DROSHA: variants seen among roughly 807,000 people sequenced by gnomAD.
DROSHA encodes the protein drosha ribonuclease III.
A neutral mutation model predicts 181.9 loss-of-function variants in DROSHA; 56 were observed. The observed-to-expected ratio is 0.31, with a 90% CI of 0.25 to 0.38. The LOEUF is 0.38. Ranked by LOEUF, DROSHA falls within the 10% of genes least tolerant of loss-of-function variation. The probability of loss-of-function intolerance (pLI) is 1.00; values close to 1 mark genes in which losing one functional copy is unlikely to be tolerated. For synonymous variants in DROSHA, 524 were observed against 591.2 expected (o/e 0.89, Z 1.65); for missense variants, 1,218 against 1,743.5 (o/e 0.70, Z 5.37).
At chr5:31,459,131 G>A (rs1288275752) in intron 20 of DROSHA, among the ~76,000 whole-genome samples, 1 of 152,166 alleles carries the variant, frequency 6.6e-6, no homozygotes, top group Non-Finnish European at 1.5e-5. Context: ...CTAGGTATTT[G>A]ATGATATTAC....
chr5:31,489,563 C>T (rs1309196764), intron 13 of DROSHA, among the ~76,000 whole-genome samples: 1 of 152,128 alleles, frequency 6.6e-6, no homozygotes, highest in East Asian at 1.9e-4. Flanking sequence ...TCAAAGATCA[C>T]CAAAATACCT....
Position 31,409,885 on chromosome 5 carries a change from T to C in DROSHA, c.3668-553A>G, listed in dbSNP as rs948653957. Among the ~76,000 whole-genome samples the C allele has an allele frequency of 6.6e-6, 1 of 151,740 alleles. No homozygotes were observed. The highest frequency in any genetic ancestry group is 1.5e-5 in the Non-Finnish European group (1 of 67,858). Reference sequence around the variant, plus strand: ...TTTGCATTAATAAATGGTGACCCCCTAGGATGACTTCATTTAAAGGTACCT... The same window carrying C: ...TTTGCATTAATAAATGGTGACCCCCCAGGATGACTTCATTTAAAGGTACCT... On this transcript the variant is annotated intron_variant, in intron 31 of 35. Coordinates refer to ENST00000344624, the MANE Select transcript of DROSHA (RefSeq NM_001382508.1). The surrounding 1 kb of genome is among the most constrained non-coding windows in gnomAD (Gnocchi z 4.0).
intron 27 of DROSHA, among the ~76,000 whole-genome samples, chr5:31,427,649 C>A (rs769821093): frequency 1.3e-5 from 2 of 152,162 alleles, no homozygotes; most frequent in Admixed American, 6.5e-5. Flanking sequence ...CAGCCAAGAA[C>A]CTCCTAAGAA....
chr5:31,429,652 A>G (rs1743917521), intron 26 of DROSHA, 107 bp from the exon 27 acceptor site: 2 of 806,794 alleles, frequency 2.5e-6, no homozygotes, highest in Non-Finnish European at 2.0e-6. Context: ...TACTCACAGA[A>G]AACAAATCAA....
chr5:31,440,559 G>A (rs1305435371), intron 23 of DROSHA, among the ~76,000 whole-genome samples: 5 of 152,158 alleles, frequency 3.3e-5, no homozygotes, highest in Admixed American at 3.3e-4. Flanking sequence ...GCTAGGTTGT[G>A]AACAATGAAT....
intron 29 of DROSHA, 29 bp downstream of exon 29, chr5:31,422,758 T>C (rs780896444): frequency 6.2e-7 from 1 of 1,613,092 alleles, no homozygotes. Context: ...AATGGTCACA[T>C]TGGGACTACA....
At position 31,464,355 on chromosome 5, in the gene DROSHA, T is replaced by A. The variant is rs1400725648; in HGVS notation, c.2467-12A>T. The A allele has an allele frequency of 6.2e-7, 1 of 1,610,344 alleles. No individual in the cohort carries two copies. Among genetic ancestry groups the A allele is most frequent in the Admixed American group, 1.7e-5 (1 of 59,730 alleles). ...TTTTGGAGGGCTTCCTAGAAAAGAA[T>A]TCATTATGATGAGTAACACAACTGC... On this transcript the variant is annotated splice_polypyrimidine_tract_variant and intron_variant, in intron 19 of 35. Transcript: ENST00000344624.
chr5:31,501,013 T>C (rs1561260983), intron 11 of DROSHA, among the ~76,000 whole-genome samples: 1 of 152,212 alleles, frequency 6.6e-6, no homozygotes, highest in Non-Finnish European at 1.5e-5. Context: ...GACGTGATCA[T>C]GTTTTTTGGA....
chr5:31,449,933 A>C (rs1746767044), intron 21 of DROSHA, among the ~76,000 whole-genome samples: 1 of 152,236 alleles, frequency 6.6e-6, no homozygotes, highest in Admixed American at 6.5e-5. Context: ...AATATCCAGA[A>C]TCTACAAGGA....
At chr5:31,507,196 C>T (rs1239260902) in intron 10 of DROSHA, among the ~76,000 whole-genome samples, 1 of 152,154 alleles carries the variant, frequency 6.6e-6, no homozygotes, top group Non-Finnish European at 1.5e-5. Context: ...CGCAGTGGCT[C>T]ACACCTGTAA....
chr5:31,431,464 T>C (rs1010468194), intron 26 of DROSHA, 112 bp downstream of exon 26: 2 of 1,015,570 alleles, frequency 2.0e-6, no homozygotes, highest in African/African-American at 3.2e-5. Context: ...AGGAACCTCA[T>C]GTGCTTTGGG....
chr5:31,490,449 G>A (rs979229058), intron 13 of DROSHA, among the ~76,000 whole-genome samples: 1 of 152,104 alleles, frequency 6.6e-6, no homozygotes, highest in African/African-American at 2.4e-5. Flanking sequence ...CAGGATTACA[G>A]GTGTGAGCCA....
rs777792369 is a variant in DROSHA at position 31,491,267 on chromosome 5, TTTA to T, written c.1842+1937_1842+1939del. On this transcript the variant is annotated intron_variant, in intron 13 of 35. Coordinates refer to ENST00000344624, the MANE Select transcript of DROSHA (RefSeq NM_001382508.1). ...CTTTCCAAAGAGAGAGGTGCCAGTATTTATTATGTGCCAAACACCATGGTAAAC... is the reference window on the plus strand; with the variant it reads ...CTTTCCAAAGAGAGAGGTGCCAGTATTTATGTGCCAAACACCATGGTAAAC... Among the ~76,000 whole-genome samples, 4 of 151,982 alleles carry T rather than the reference TTTA, an allele frequency of 2.6e-5. No homozygotes were observed. The East Asian group carries it at 5.8e-4, about 22-fold the overall frequency.
rs113767604 is a variant in DROSHA, at chr5:31,458,087, C to T, written c.2574+6149G>A. ...CCCCAACTTACAATGGTAAGACTTA[C>T]GATTTTTTGACTTTACAATGACATG... On this transcript the variant is annotated intron_variant, in intron 20 of 35. Coordinates refer to ENST00000344624, the MANE Select transcript of DROSHA (RefSeq NM_001382508.1). Among the ~76,000 whole-genome samples the T allele has an allele frequency of 9.2e-5, 14 of 152,248 alleles. 1 individual carries two copies. Among genetic ancestry groups the T allele is most frequent in the East Asian group, 1.9e-4 (1 of 5,186 alleles).
intron 17 of DROSHA, among the ~76,000 whole-genome samples, chr5:31,469,641 GTT>G (rs1363707033): frequency 1.3e-5 from 2 of 152,164 alleles, no homozygotes; most frequent in Admixed American, 6.5e-5. Context: ...AATTATTCAT[GTT>G]TCTGTGATTT....
At chr5:31,466,032 G>A (rs762324859) in intron 19 of DROSHA, 150 bp downstream of exon 19, 37 of 740,524 alleles carry the variant, frequency 5.0e-5, no homozygotes, top group South Asian at 1.3e-4. Context: ...AAATCAATTC[G>A]TATAATAATG....
chr5:31,528,139 C>T (rs1374351523), intron 4 of DROSHA, among the ~76,000 whole-genome samples: 4 of 152,124 alleles, frequency 2.6e-5, no homozygotes, highest in Non-Finnish European at 5.9e-5. Context: ...TCTGGTATTC[C>T]TCAGGGGTCT....
chr5:31,517,198 T>C (rs559716468), intron 6 of DROSHA, among the ~76,000 whole-genome samples: 6 of 152,346 alleles, frequency 3.9e-5, no homozygotes, highest in Non-Finnish European at 7.4e-5. Context: ...AAATTATGAT[T>C]AGAGTCTTTA....
In DROSHA at chr5:31,450,712, A is replaced by C. The variant is rs192092072; in HGVS notation, c.2682+821T>G. On this transcript the variant is annotated intron_variant, in intron 21 of 35. Coordinates refer to ENST00000344624, the MANE Select transcript of DROSHA (RefSeq NM_001382508.1). ...TTGGGAGGGGGGTGAGGGATGAAAA[A>C]CTACCTATTAGGTGTAATGTACACT... is the stretch of plus-strand genomic sequence containing the variant. Among the ~76,000 whole-genome samples the C allele has an allele frequency of 2.1e-3, 318 of 152,170 alleles. 2 individuals are homozygous for C. The highest frequency in any genetic ancestry group is 2.2e-3 in the Non-Finnish European group (148 of 67,996).
Sources: allele counts gnomAD v4.1 joint callset (sites outside exome capture counted in the v4.1 genomes callset), GRCh38; gene constraint gnomAD v4.1.1; non-coding constraint Gnocchi (gnomAD v3.1); transcripts MANE v1.5; gene names NCBI Gene and HGNC (gene_info 2026-07-23, HGNC 2026-07-21).